The following PTPRN2 variants were observed in gnomAD, a reference collection of about 807,000 sequenced individuals.
PTPRN2 encodes the protein protein tyrosine phosphatase receptor type N2.
Under a neutral mutation model 118.8 loss-of-function variants are expected in PTPRN2, and 74 were observed. That is an observed-to-expected ratio of 0.62 (90% CI 0.52 to 0.76). The LOEUF (loss-of-function observed/expected upper bound fraction) is 0.76, where lower values mean the gene tolerates loss of function less well. Ranked by LOEUF, PTPRN2 falls within the 30% of genes least tolerant of loss-of-function variation. The pLI, the probability that PTPRN2 is intolerant of heterozygous loss-of-function variation, is 0.00. For missense variants in PTPRN2, 1,481 were observed against 1,394.4 expected (o/e 1.06, Z -0.99); for synonymous variants, 641 against 608.0 (o/e 1.05, Z -0.80).
At chr7:158,309,803 A>C (rs1332224253) in intron 3 of PTPRN2, among the ~76,000 whole-genome samples, 1 of 152,234 alleles carries the variant, frequency 6.6e-6, no homozygotes. Context: ...TATGATACAG[A>C]CTGAATGTTG....
chr7:157,820,631 T>C (rs915384063), intron 12 of PTPRN2, among the ~76,000 whole-genome samples: 2 of 146,986 alleles, frequency 1.4e-5, no homozygotes, highest in African/African-American at 2.5e-5. Context: ...AGCAGACCCC[T>C]ACACACGTGC....
At chr7:158,050,868 G>C (rs996030066) in intron 11 of PTPRN2, among the ~76,000 whole-genome samples, 1 of 152,216 alleles carries the variant, frequency 6.6e-6, no homozygotes, top group Non-Finnish European at 1.5e-5. Context: ...CAGCAGCCCC[G>C]TCTGGGTTCT....
chr7:158,007,521 G>A (rs538231866), intron 11 of PTPRN2, among the ~76,000 whole-genome samples: 2 of 152,336 alleles, frequency 1.3e-5, no homozygotes, highest in East Asian at 3.9e-4. Context: ...GGCCTCACAG[G>A]GCACCTCCCA....
chr7:158,088,092 G>C (rs1477745269), intron 10 of PTPRN2, among the ~76,000 whole-genome samples: 3 of 68,854 alleles, frequency 4.4e-5, no homozygotes, highest in African/African-American at 9.8e-5. Context: ...TGATGAAAGA[G>C]GGAGTCTTCA....
At chr7:158,545,351 G>A (rs1379927246) in intron 1 of PTPRN2, among the ~76,000 whole-genome samples, 1 of 152,176 alleles carries the variant, frequency 6.6e-6, no homozygotes, top group Non-Finnish European at 1.5e-5. Context: ...GCAGACCGAC[G>A]CAGTGGGAGG....
intron 11 of PTPRN2, among the ~76,000 whole-genome samples, chr7:157,991,429 C>T (rs1804243106): frequency 6.6e-6 from 1 of 152,250 alleles, no homozygotes; most frequent in African/African-American, 2.4e-5. Context: ...CCTGCACTTC[C>T]TGGTGGAGTC....
chr7:158,578,941 T>G (rs1261585360), intron 1 of PTPRN2, among the ~76,000 whole-genome samples: 1 of 152,204 alleles, frequency 6.6e-6, no homozygotes, highest in Non-Finnish European at 1.5e-5. Flanking sequence ...TTTTATATTT[T>G]TAGTAGAGAC....
chr7:158,370,221 T>C (rs981152461), intron 2 of PTPRN2, among the ~76,000 whole-genome samples: 1 of 151,032 alleles, frequency 6.6e-6, no homozygotes, highest in African/African-American at 2.4e-5. Flanking sequence ...ACCGATCACC[T>C]GAGGTCAGGA....
chr7:157,831,895 A>G lies in PTPRN2; in HGVS notation c.1788+66778T>C, dbSNP rs1018339265. Among the ~76,000 whole-genome samples the G allele has an allele frequency of 2.0e-5, 3 of 152,126 alleles. No individual in the cohort carries two copies. The highest frequency in any genetic ancestry group is 4.4e-5 in the Non-Finnish European group (3 of 68,020). ...TTCATAGCCATCCTTAAGCTGGGGG[A>G]GGGCAGTTATGGAGCTCCAGAGCGG... On this transcript the variant is annotated intron_variant, in intron 12 of 22. Coordinates refer to ENST00000389418, the MANE Select transcript of PTPRN2 (RefSeq NM_002847.5). The surrounding 1 kb of genome is among the most constrained non-coding windows in gnomAD (Gnocchi z 4.8).
intron 12 of PTPRN2, among the ~76,000 whole-genome samples, chr7:157,834,768 G>A (rs1189172443): frequency 2.0e-5 from 3 of 152,240 alleles, no homozygotes; most frequent in Non-Finnish European, 1.5e-5. Context: ...GGCGGGTGTG[G>A]GGACCCACCT....
rs185192266 is a variant in PTPRN2 at position 158,546,742 on chromosome 7, G to A, written c.112+40816C>T. ...CCCCAGCCACCAGCCTGGGAGGCCC[G>A]GTCACCCCACGGCCAGCGCCTGCCA... On this transcript the variant is annotated intron_variant, in intron 1 of 22. Transcript: ENST00000389418. The surrounding 1 kb of genome is among the most constrained non-coding windows in gnomAD (Gnocchi z 5.0). Among the ~76,000 whole-genome samples the A allele has an allele frequency of 2.7e-3, 405 of 152,304 alleles. No homozygotes were observed. Among genetic ancestry groups the A allele is most frequent in the African/African-American group, 9.1e-3 (379 of 41,576 alleles).
At chr7:157,788,389 A>AAAAAAAAAAAG (rs1804213947) in intron 12 of PTPRN2, among the ~76,000 whole-genome samples, 1 of 151,668 alleles carries the variant, frequency 6.6e-6, no homozygotes, top group African/African-American at 2.4e-5. Context: ...AAAAAAAAAA[A>AAAAAAAAAAAG]AAAGAAAGTA....
At position 158,081,287 on chromosome 7, in the gene PTPRN2, A is replaced by C; in HGVS notation, c.1723+11T>G. ...GTGTGTGCGTGTACGTGTGTGTGGA[A>C]ACAGCCTCACCTGTGGCCTTCTCCA... On this transcript the variant is annotated intron_variant, in intron 11 of 22. Transcript: ENST00000389418. 1 of 1,612,194 alleles carries C rather than the reference A, an allele frequency of 6.2e-7. No homozygotes were observed. Among genetic ancestry groups the C allele is most frequent in the Middle Eastern group, 1.7e-4 (1 of 6,042 alleles).
rs1816757473 is a variant in PTPRN2 at position 158,438,652 on chromosome 7, C to G, written c.163+51083G>C. Among the ~76,000 whole-genome samples, 1 of 152,126 alleles carries G rather than the reference C, an allele frequency of 6.6e-6. No homozygotes were observed. The highest frequency in any genetic ancestry group is 6.5e-5 in the Admixed American group (1 of 15,282). Reference sequence around the variant, plus strand: ...TCAGTTCTGATCGTTGTTGATTTTCCTGGAATTTGCTAATGATGAATCGTG... The same window carrying G: ...TCAGTTCTGATCGTTGTTGATTTTCGTGGAATTTGCTAATGATGAATCGTG... On this transcript the variant is annotated intron_variant, in intron 2 of 22. Transcript: ENST00000389418. The surrounding 1 kb of genome is among the most constrained non-coding windows in gnomAD (Gnocchi z 4.7).
chr7:157,937,495 A>G (rs539339414), intron 11 of PTPRN2, among the ~76,000 whole-genome samples: 11 of 152,306 alleles, frequency 7.2e-5, no homozygotes, highest in African/African-American at 2.6e-4. Context: ...CAGAGAAGAC[A>G]CTCAGCATCG....
At chr7:158,025,086 C>T (rs796121246) in intron 11 of PTPRN2, among the ~76,000 whole-genome samples, 5 of 152,208 alleles carry the variant, frequency 3.3e-5, no homozygotes, top group African/African-American at 1.2e-4. Context: ...GGCAAACATG[C>T]ACTGGACAAA....
chr7:158,409,038 A>G (rs1405002650), intron 2 of PTPRN2, among the ~76,000 whole-genome samples: 1 of 152,022 alleles, frequency 6.6e-6, no homozygotes, highest in Non-Finnish European at 1.5e-5. Context: ...CCCAGACCAG[A>G]TTCCAAGCTC....
At chr7:158,542,525 G>T (rs1308211650) in intron 1 of PTPRN2, among the ~76,000 whole-genome samples, 1 of 152,150 alleles carries the variant, frequency 6.6e-6, no homozygotes, top group South Asian at 2.1e-4. Context: ...ATCAGTTATG[G>T]GAAAGAAGGA....
intron 3 of PTPRN2, among the ~76,000 whole-genome samples, chr7:158,273,571 C>T (rs1297271724): frequency 8.0e-4 from 38 of 47,526 alleles, no homozygotes; most frequent in African/African-American, 1.6e-3. Flanking sequence ...GCCGCAGGCA[C>T]AGGGGGAGCC....
Sources: allele counts gnomAD v4.1 joint callset (sites outside exome capture counted in the v4.1 genomes callset), GRCh38; gene constraint gnomAD v4.1.1; non-coding constraint Gnocchi (gnomAD v3.1); transcripts MANE v1.5; gene names NCBI Gene and HGNC (gene_info 2026-07-23, HGNC 2026-07-21).